MSRA: variants seen among roughly 807,000 people sequenced by gnomAD.
MSRA encodes mitochondrial peptide methionine sulfoxide reductase.
Under a neutral mutation model 31.3 loss-of-function variants are expected in MSRA, and 54 were observed. That is an observed-to-expected ratio of 1.73 (90% CI 1.39 to 2.17). The LOEUF is 2.17. Among genes scored for constraint, MSRA ranks in the 30% most tolerant of loss-of-function variants. The pLI, the probability that MSRA is intolerant of heterozygous loss-of-function variation, is 0.00. For synonymous variants in MSRA, 169 were observed against 116.5 expected (o/e 1.45, Z -2.90); for missense variants, 507 against 300.9 (o/e 1.69, Z -5.07).
At chr8:10,404,693 C>T (rs1011551689) in intron 5 of MSRA, among the ~76,000 whole-genome samples, 14 of 152,358 alleles carry the variant, frequency 9.2e-5, no homozygotes, top group Admixed American at 3.3e-4. Context: ...AAACACAGCC[C>T]GGCCCTCCGT....
At chr8:10,057,734 C>G (rs901187778) in intron 1 of MSRA, among the ~76,000 whole-genome samples, 3 of 152,142 alleles carry the variant, frequency 2.0e-5, no homozygotes, top group African/African-American at 7.2e-5. Flanking sequence ...CTCTCGTTCT[C>G]TCCTGCTCCT....
chr8:10,188,410 G>A (rs183380158), intron 1 of MSRA, among the ~76,000 whole-genome samples: 128 of 152,312 alleles, frequency 8.4e-4, no homozygotes, highest in Non-Finnish European at 1.6e-3. Context: ...GTTTCGTTAG[G>A]ATGTCAAAAT....
intron 4 of MSRA, among the ~76,000 whole-genome samples, chr8:10,312,576 C>T (rs1435619520): frequency 1.3e-5 from 2 of 152,064 alleles, no homozygotes; most frequent in Non-Finnish European, 1.5e-5. Context: ...AGTCTTGATA[C>T]CAAAACTTAA....
At chr8:10,295,422 G>A (rs1486884818) in intron 3 of MSRA, among the ~76,000 whole-genome samples, 1 of 151,542 alleles carries the variant, frequency 6.6e-6, no homozygotes. Context: ...CAGGGACCTG[G>A]GGATCTACAC....
intron 1 of MSRA, among the ~76,000 whole-genome samples, chr8:10,130,796 C>G (rs1362935629): frequency 2.0e-5 from 3 of 152,174 alleles, no homozygotes; most frequent in Non-Finnish European, 4.4e-5. Context: ...TGGAAAGAAA[C>G]TAGCATTCTT....
intron 5 of MSRA, among the ~76,000 whole-genome samples, chr8:10,368,860 C>T (rs1282456208): frequency 1.3e-5 from 2 of 152,068 alleles, no homozygotes; most frequent in Non-Finnish European, 2.9e-5. Context: ...CAGTAAATTC[C>T]AAAGGGCCTT....
chr8:10,176,706 C>G (rs993059810), intron 1 of MSRA, among the ~76,000 whole-genome samples: 2 of 152,206 alleles, frequency 1.3e-5, no homozygotes, highest in Non-Finnish European at 2.9e-5. Flanking sequence ...AGATTCCAGA[C>G]CAGACTTACG....
At chr8:10,140,885 C>G (rs1449447793) in intron 1 of MSRA, among the ~76,000 whole-genome samples, 1 of 152,088 alleles carries the variant, frequency 6.6e-6, no homozygotes, top group Non-Finnish European at 1.5e-5. Flanking sequence ...CACAGACACA[C>G]TCGGAGACTT....
At chr8:10,333,201 T>C (rs1802808681) in intron 5 of MSRA, among the ~76,000 whole-genome samples, 1 of 152,224 alleles carries the variant, frequency 6.6e-6, no homozygotes, top group Non-Finnish European at 1.5e-5. Context: ...ACACTCCTAC[T>C]CATCTTTCAG....
intron 3 of MSRA, among the ~76,000 whole-genome samples, chr8:10,271,287 A>G (rs1799023828): frequency 6.6e-6 from 1 of 152,140 alleles, no homozygotes; most frequent in Non-Finnish European, 1.5e-5. Flanking sequence ...ATGGGGAAGC[A>G]AGCAGGCAAA....
chr8:10,269,288 C>T (rs1403261106), intron 3 of MSRA, among the ~76,000 whole-genome samples: 1 of 152,222 alleles, frequency 6.6e-6, no homozygotes, highest in Non-Finnish European at 1.5e-5. Context: ...TGTAACTCAT[C>T]CCTTTGTCAA....
At chr8:10,272,255 A>T (rs999100142) in intron 3 of MSRA, among the ~76,000 whole-genome samples, 20 of 152,338 alleles carry the variant, frequency 1.3e-4, no homozygotes, top group Admixed American at 1.3e-3. Flanking sequence ...TTAATGTATT[A>T]TAAAGAATTG....
chr8:10,287,947 A>G (rs1448570152), intron 3 of MSRA, among the ~76,000 whole-genome samples: 1 of 151,998 alleles, frequency 6.6e-6, no homozygotes, highest in Non-Finnish European at 1.5e-5. Flanking sequence ...CTAGACTGTG[A>G]GCTCTTTGAG....
intron 5 of MSRA, among the ~76,000 whole-genome samples, chr8:10,385,787 A>C (rs901941282): frequency 3.7e-5 from 5 of 135,288 alleles, no homozygotes; most frequent in Non-Finnish European, 6.3e-5. Context: ...TGAACTGTGG[A>C]TGTTGTCACT....
chr8:10,370,701 A>G (rs11991747), intron 5 of MSRA, among the ~76,000 whole-genome samples: 13,583 of 152,208 alleles, frequency 0.089, 1,260 homozygotes, highest in African/African-American at 0.23. Flanking sequence ...GCCACGTTAC[A>G]TACCTGGAAT....
At chr8:10,214,110 A>G (rs11775334) in intron 2 of MSRA, among the ~76,000 whole-genome samples, 86,286 of 151,994 alleles carry the variant, frequency 0.57, 25,517 homozygotes, top group Non-Finnish European at 0.66. Flanking sequence ...TTCTTCAAAC[A>G]AGAGTGGGGA....
At chr8:10,382,446 C>T (rs1190983019) in intron 5 of MSRA, among the ~76,000 whole-genome samples, 3 of 152,228 alleles carry the variant, frequency 2.0e-5, no homozygotes, top group Non-Finnish European at 4.4e-5. Flanking sequence ...GTCCCTCTAG[C>T]AGCTGGTGTT....
Position 10,178,022 on chromosome 8 carries a change from T to C in MSRA, c.143-29811T>C, listed in dbSNP as rs545333969. Among the ~76,000 whole-genome samples, 8 of 152,380 alleles carry C rather than the reference T, an allele frequency of 5.3e-5. No individual in the cohort carries two copies. The South Asian group carries it at 1.7e-3, about 32-fold the overall frequency. On this transcript the variant is annotated intron_variant, in intron 1 of 5. Transcript: ENST00000317173. The stretch of plus-strand genomic sequence containing the variant: ...TTTATATCCTCCTTACCGCTTCACC[T>C]GCCTCTTTTTTCCAGGACAAATATT...
chr8:10,417,960 C>T (rs186127138), intron 5 of MSRA, among the ~76,000 whole-genome samples: 53 of 152,238 alleles, frequency 3.5e-4, no homozygotes, highest in Admixed American at 5.9e-4. Context: ...CACATGCCCG[C>T]GTCCTGCCTG....
Sources: gnomAD v4.1 joint callset for allele counts (sites outside exome capture counted in the v4.1 genomes callset) on GRCh38, gnomAD v4.1.1 for gene constraint, MANE v1.5 for transcripts, NCBI Gene and HGNC (gene_info 2026-07-23, HGNC 2026-07-21) for gene names.